CACNA1C: variants seen among roughly 807,000 people sequenced by gnomAD.
The protein encoded by CACNA1C is voltage-dependent L-type calcium channel subunit alpha-1C.
A neutral mutation model predicts 229.0 loss-of-function variants in CACNA1C; 30 were observed. That is an observed-to-expected ratio of 0.13 (90% CI 0.10 to 0.18). CACNA1C has a LOEUF of 0.18. CACNA1C is among the 10% of genes least tolerant of loss of function. The probability of loss-of-function intolerance (pLI) is 1.00; values close to 1 mark genes in which losing one functional copy is unlikely to be tolerated. For missense variants in CACNA1C, 1,658 were observed against 2,845.0 expected, an observed-to-expected ratio of 0.58 and a Z score of 9.49; for synonymous variants, 1,114 against 1,132.5, an observed-to-expected ratio of 0.98 and a Z score of 0.33.
intron 3 of CACNA1C, among the ~76,000 whole-genome samples, chr12:2,322,191 A>C (rs2096036179): frequency 6.6e-6 from 1 of 152,242 alleles, no homozygotes; most frequent in South Asian, 2.1e-4. Flanking sequence ...ATGAACAAGG[A>C]GAAGTGCTTG....
chr12:2,338,814 G>A (rs1329150408), intron 3 of CACNA1C, among the ~76,000 whole-genome samples: 1 of 152,036 alleles, frequency 6.6e-6, no homozygotes, highest in African/African-American at 2.4e-5. Context: ...AGGAAATGAA[G>A]GGAACTTCTT....
At chr12:2,574,930 A>G (rs915835275) in intron 13 of CACNA1C, among the ~76,000 whole-genome samples, 6 of 152,306 alleles carry the variant, frequency 3.9e-5, no homozygotes, top group Admixed American at 3.9e-4. Context: ...ACCTACTAGG[A>G]GAAAGATTAA....
intron 9 of CACNA1C, among the ~76,000 whole-genome samples, chr12:2,519,532 C>T (rs1183197523): frequency 6.6e-6 from 1 of 152,184 alleles, no homozygotes; most frequent in Admixed American, 6.5e-5. Context: ...TTGGAAGGCA[C>T]CATTTGGAAA....
At chr12:2,341,042 A>G (rs1443750644) in intron 3 of CACNA1C, among the ~76,000 whole-genome samples, 3 of 152,152 alleles carry the variant, frequency 2.0e-5, no homozygotes, top group Non-Finnish European at 2.9e-5. Flanking sequence ...GGGGGAGTGG[A>G]CATGAACGTT....
At chr12:2,582,157 C>T (rs368318662) in intron 14 of CACNA1C, among the ~76,000 whole-genome samples, 28 of 151,306 alleles carry the variant, frequency 1.9e-4, no homozygotes, top group Admixed American at 1.1e-3. Context: ...AAAAAAAAAT[C>T]GTTCTTATCC....
chr12:2,420,102 G>GGTGTGTGTGTGTGTGT lies in CACNA1C; in HGVS notation c.478-28843_478-28828dup, dbSNP rs564990323. On this transcript the variant is annotated intron_variant, in intron 3 of 46. Transcript: ENST00000399655. Reference sequence around the variant, plus strand: ...CAGGGTAATCAGACTTAGGCAAAATGGTGTGTGTGTGTGTGTGTGTGTGTG... The same window carrying GGTGTGTGTGTGTGTGT: ...CAGGGTAATCAGACTTAGGCAAAATGGTGTGTGTGTGTGTGTGTGTGTGTGTGTGTGTGTGTGTGTG... Among the ~76,000 whole-genome samples, 1,233 of 125,468 alleles carry GGTGTGTGTGTGTGTGT rather than the reference G, an allele frequency of 9.8e-3. 48 individuals carry two copies. The highest frequency in any genetic ancestry group is 0.032 in the African/African-American group (905 of 28,572). 82.3% of individuals were successfully genotyped at this position (125,468 alleles called of 152,430 possible).
intron 5 of CACNA1C, among the ~76,000 whole-genome samples, chr12:2,464,507 G>C (rs1468561012): frequency 6.6e-6 from 1 of 152,210 alleles, no homozygotes; most frequent in Non-Finnish European, 1.5e-5. Context: ...AGCCCACACT[G>C]CTTCACTCTT....
chr12:2,626,475 G>A (rs2086629419), intron 29 of CACNA1C, among the ~76,000 whole-genome samples: 1 of 152,188 alleles, frequency 6.6e-6, no homozygotes, highest in Non-Finnish European at 1.5e-5. Context: ...GCTCCTCCTT[G>A]TTCCAGCCAC....
chr12:2,494,113 A>G (rs2099741937), intron 7 of CACNA1C, among the ~76,000 whole-genome samples: 1 of 152,152 alleles, frequency 6.6e-6, no homozygotes, highest in Non-Finnish European at 1.5e-5. Context: ...TGTTGCACCC[A>G]TCCACCCGTC....
intron 1 of CACNA1C, among the ~76,000 whole-genome samples, chr12:2,025,603 A>G (rs1313469965): frequency 6.6e-6 from 1 of 152,092 alleles, no homozygotes; most frequent in Non-Finnish European, 1.5e-5. Flanking sequence ...CAGCCTCCCA[A>G]AATGCTGTTC....
intron 3 of CACNA1C, among the ~76,000 whole-genome samples, chr12:2,293,530 T>C (rs1309361442): frequency 6.6e-6 from 1 of 152,234 alleles, no homozygotes; most frequent in African/African-American, 2.4e-5. Context: ...CCAACACAAA[T>C]GCATAAACTT....
At chr12:2,514,591 C>A (rs963812254) in intron 9 of CACNA1C, among the ~76,000 whole-genome samples, 1 of 152,174 alleles carries the variant, frequency 6.6e-6, no homozygotes, top group South Asian at 2.1e-4. Flanking sequence ...CTGTGAGCCA[C>A]GGAGAAGCCT....
At chr12:2,199,503 T>A (rs186843891) in intron 3 of CACNA1C, among the ~76,000 whole-genome samples, 4 of 152,310 alleles carry the variant, frequency 2.6e-5, no homozygotes, top group African/African-American at 4.8e-5. Context: ...TAACATAAAA[T>A]ATATATAACA....
At chr12:2,469,543 A>G (rs1597293390) in intron 5 of CACNA1C, among the ~76,000 whole-genome samples, 3 of 152,362 alleles carry the variant, frequency 2.0e-5, no homozygotes, top group Non-Finnish European at 4.4e-5. Flanking sequence ...ACAGCATGTC[A>G]TCAGGTGAGT....
At chr12:2,392,567 C>G (rs1410328797) in intron 3 of CACNA1C, among the ~76,000 whole-genome samples, 1 of 152,176 alleles carries the variant, frequency 6.6e-6, no homozygotes, top group Non-Finnish European at 1.5e-5. Flanking sequence ...TCAAAGCACA[C>G]TTTTCATTCC....
chr12:2,641,894 C>A (rs2093746020), intron 30 of CACNA1C: 1 of 653,232 alleles, frequency 1.5e-6, no homozygotes, highest in South Asian at 1.7e-5. Flanking sequence ...GAGCCACCCT[C>A]ATTCCTAGAA....
At chr12:2,495,806 G>T (rs1449640056) in intron 7 of CACNA1C, among the ~76,000 whole-genome samples, 2 of 152,188 alleles carry the variant, frequency 1.3e-5, no homozygotes, top group Non-Finnish European at 2.9e-5. Flanking sequence ...TTGTATGTGT[G>T]TGCACGCCTG....
Position 2,611,921 on chromosome 12 carries a change from C to T in CACNA1C, c.3736C>T (p.Leu1246=), listed in dbSNP as rs763674076. Residue 1246 remains leucine, a synonymous_variant, in exon 29 of 47, where the codon CTG becomes TTG. Coordinates refer to ENST00000399655, the MANE Select transcript of CACNA1C (RefSeq NM_000719.7). ...GATGCAGCACTACGGCCAGAGCTGC[C>T]TGTTCAAAATCGCCATGAACATCCT... is the stretch of plus-strand genomic sequence containing the variant. The part of the protein sequence containing the change: ...LAMQHYGQSC[L]FKIAMNILNM... The T allele has an allele frequency of 6.2e-7, 1 of 1,612,430 alleles. No individual in the cohort carries two copies. Among genetic ancestry groups the T allele is most frequent in the East Asian group, 2.2e-5 (1 of 44,874 alleles).
At chr12:2,277,332 TAGACAGACAGAC>T (rs1282160208) in intron 3 of CACNA1C, among the ~76,000 whole-genome samples, 81 of 116,970 alleles carry the variant, frequency 6.9e-4, no homozygotes, top group East Asian at 1.7e-3. Context: ...CTCCTTCTAG[TAGACAGACAGAC>T]AGACAGACAG....
Sources: gnomAD v4.1 joint callset for allele counts (sites outside exome capture counted in the v4.1 genomes callset) on GRCh38, gnomAD v4.1.1 for gene constraint, MANE v1.5 for transcripts, NCBI Gene and HGNC (gene_info 2026-07-23, HGNC 2026-07-21) for gene names.